Variants in ANK3 observed in about 807,000 individuals in gnomAD.
The protein encoded by ANK3 is ankyrin 3, also known as ankyrin-3.
In ANK3, 57 loss-of-function variants were observed where a neutral mutation model predicts 370.9. The observed-to-expected ratio is 0.15, with a 90% CI of 0.12 to 0.19. ANK3 has a LOEUF of 0.19. ANK3 is among the 10% of genes least tolerant of loss of function. ANK3 has a pLI of 1.00. For missense variants in ANK3, 4,439 were observed against 5,302.1 expected, an observed-to-expected ratio of 0.84 and a Z score of 5.06; for synonymous variants, 1,929 against 1,946.3, an observed-to-expected ratio of 0.99 and a Z score of 0.23.
At position 60,114,265 on chromosome 10, in the gene ANK3, A is replaced by C; in HGVS notation, c.2908T>G (p.Leu970Val). ...LRHYSWAADT[L>V]DNVNLVSSPI... Reference sequence around the variant, plus strand: ...CTTGAAACAAGATTGACATTGTCTAAGGTGTCTGCAGCCCAGCTGTAATGT... The same window carrying C: ...CTTGAAACAAGATTGACATTGTCTACGGTGTCTGCAGCCCAGCTGTAATGT... Residue 970 changes from leucine (L) to valine (V), a missense_variant, in exon 26 of 44, where the codon TTA becomes GTA. Physicochemically the swap from Leu to Val is conservative, Grantham distance 32. Transcript: ENST00000280772. 1 of 1,609,724 alleles carries C rather than the reference A, an allele frequency of 6.2e-7. No individual in the cohort carries two copies. Among genetic ancestry groups the C allele is most frequent in the Non-Finnish European group, 8.5e-7 (1 of 1,178,200 alleles).
chr10:60,552,108 G>A (rs1464021967), intron 2 of ANK3, among the ~76,000 whole-genome samples: 1 of 152,140 alleles, frequency 6.6e-6, no homozygotes, highest in African/African-American at 2.4e-5. Context: ...CTTCATCAAG[G>A]CGGCCGCCTG....
At chr10:60,354,409 T>C (rs148974219) in intron 1 of ANK3, among the ~76,000 whole-genome samples, 185 of 152,346 alleles carry the variant, frequency 1.2e-3, no homozygotes, top group African/African-American at 4.2e-3. Flanking sequence ...GATTACATCT[T>C]CACCTGCTTG....
intron 1 of ANK3, among the ~76,000 whole-genome samples, chr10:60,324,625 G>C (rs952847824): frequency 6.6e-6 from 1 of 152,054 alleles, no homozygotes; most frequent in African/African-American, 2.4e-5. Flanking sequence ...AAATCTTTCA[G>C]GAATGAGAAG....
At position 60,150,598 on chromosome 10, in the gene ANK3, A is replaced by G. The variant is rs1333740480; in HGVS notation, c.2615-11511T>C. 2.6e-5 allele frequency among the ~76,000 whole-genome samples: 4 copies of G among 152,216 alleles called. No homozygotes were observed. The South Asian group carries it at 6.2e-4, about 24-fold the overall frequency. ...TTTGGATCATAGGGGCAGATCCCTC[A>G]TGAATGGCTGGATGCCCTCCTTGTT... On this transcript the variant is annotated intron_variant, in intron 23 of 43. Transcript: ENST00000280772.
chr10:60,596,403 A>G (rs1404163520), intron 2 of ANK3, among the ~76,000 whole-genome samples: 1 of 152,160 alleles, frequency 6.6e-6, no homozygotes, highest in Non-Finnish European at 1.5e-5. Context: ...TTTATATGTC[A>G]AATATGCATG....
rs2079150043 is a variant in ANK3, at chr10:60,678,091, A to C, written c.57+55172T>G. Among the ~76,000 whole-genome samples, 4 of 152,378 alleles carry C rather than the reference A, an allele frequency of 2.6e-5. No individual in the cohort carries two copies. The South Asian group carries it at 8.3e-4, about 32-fold the overall frequency. On this transcript the variant is annotated intron_variant, in intron 1 of 43. Coordinates refer to the ANK3 transcript ENST00000373827. ...ATAAAACACAGACTGAGAACAAGGC[A>C]CGGTAACTTAGAATAATTTTCTTAC...
At chr10:60,544,598 A>G (rs2076920052) in intron 2 of ANK3, among the ~76,000 whole-genome samples, 2 of 152,126 alleles carry the variant, frequency 1.3e-5, no homozygotes, top group South Asian at 4.1e-4. Flanking sequence ...TGGCAGTTAC[A>G]CATATGAAAA....
At chr10:60,201,178 T>C (rs1414130176) in intron 12 of ANK3, among the ~76,000 whole-genome samples, 1 of 152,238 alleles carries the variant, frequency 6.6e-6, no homozygotes, top group Admixed American at 6.5e-5. Context: ...GTGCTGAGGA[T>C]GTCATTTAGT....
chr10:60,222,438 A>C (rs565653250), intron 8 of ANK3, among the ~76,000 whole-genome samples: 148 of 147,402 alleles, frequency 1.0e-3, no homozygotes, highest in African/African-American at 3.5e-3. Flanking sequence ...AAAAAAAAAG[A>C]GGAGGAAAAC....
intron 1 of ANK3, among the ~76,000 whole-genome samples, chr10:60,295,810 T>A (rs1169108770): frequency 6.6e-6 from 1 of 152,238 alleles, no homozygotes. Context: ...TCTTGTTACA[T>A]GCTAACTTAA....
At chr10:60,169,525 G>GT (rs1372288251) in intron 21 of ANK3, among the ~76,000 whole-genome samples, 2 of 151,986 alleles carry the variant, frequency 1.3e-5, no homozygotes, top group African/African-American at 4.8e-5. Flanking sequence ...GTCTGAAGCA[G>GT]TATTTGTCAG....
intron 1 of ANK3, among the ~76,000 whole-genome samples, chr10:60,307,850 GA>G (rs1351671505): frequency 6.6e-6 from 1 of 152,200 alleles, no homozygotes; most frequent in Non-Finnish European, 1.5e-5. Context: ...TGTCACACAT[GA>G]AACGCTGAGC....
intron 8 of ANK3, among the ~76,000 whole-genome samples, 186 bp downstream of exon 8, chr10:60,234,502 G>C (rs958533055): frequency 1.3e-5 from 2 of 152,156 alleles, no homozygotes; most frequent in Non-Finnish European, 2.9e-5. Context: ...TGTGAATTAA[G>C]TATTTATAAA....
chr10:60,326,200 T>C (rs1593800385), intron 1 of ANK3, among the ~76,000 whole-genome samples: 1 of 152,148 alleles, frequency 6.6e-6, no homozygotes, highest in African/African-American at 2.4e-5. Flanking sequence ...ACCTGGGTGA[T>C]GAAATAATCT....
intron 1 of ANK3, among the ~76,000 whole-genome samples, chr10:60,343,979 C>G (rs2054845213): frequency 6.6e-6 from 1 of 152,236 alleles, no homozygotes; most frequent in Non-Finnish European, 1.5e-5. Flanking sequence ...TCTGCACATC[C>G]ATGGACCTGG....
chr10:60,565,753 T>C (rs1218551329), intron 2 of ANK3, among the ~76,000 whole-genome samples: 1 of 152,194 alleles, frequency 6.6e-6, no homozygotes, highest in Non-Finnish European at 1.5e-5. Context: ...ATCTTCTTAA[T>C]CTCAATGTAA....
intron 2 of ANK3, among the ~76,000 whole-genome samples, chr10:60,465,789 C>CT (rs1205787609): frequency 0.023 from 2,496 of 109,556 alleles, 48 homozygotes; most frequent in African/African-American, 0.054. Flanking sequence ...TTTTTTCTTT[C>CT]TTTTTTTTTT....
At chr10:60,653,507 T>C (rs925531266) in intron 1 of ANK3, among the ~76,000 whole-genome samples, 3 of 152,210 alleles carry the variant, frequency 2.0e-5, no homozygotes, top group South Asian at 2.1e-4. Flanking sequence ...CACTGATGCA[T>C]GTATCTCTCC....
At chr10:60,317,222 T>C (rs1427207609) in intron 1 of ANK3, among the ~76,000 whole-genome samples, 2 of 151,984 alleles carry the variant, frequency 1.3e-5, no homozygotes, top group African/African-American at 4.8e-5. Context: ...CCTCCTGGGT[T>C]CAAGTGATTC....
Sources: gnomAD v4.1 joint callset for allele counts (sites outside exome capture counted in the v4.1 genomes callset) on GRCh38, gnomAD v4.1.1 for gene constraint, MANE v1.5 for transcripts, NCBI Gene and HGNC (gene_info 2026-07-23, HGNC 2026-07-21) for gene names.